The following MRPL48 variants were observed in gnomAD, a reference collection of about 807,000 sequenced individuals.
The protein encoded by MRPL48 is mitochondrial ribosomal protein L48.
In MRPL48, 16 loss-of-function variants were observed where a neutral mutation model predicts 32.9. The ratio of observed to expected loss-of-function variants is 0.49; its 90% CI spans 0.33 to 0.74. The LOEUF is 0.74. Ranked by LOEUF, MRPL48 falls within the 30% of genes least tolerant of loss-of-function variation. The pLI, the probability that MRPL48 is intolerant of heterozygous loss-of-function variation, is 0.02. For synonymous variants in MRPL48, 94 were observed against 89.2 expected (o/e 1.05, Z -0.31); for missense variants, 206 against 245.3 (o/e 0.84, Z 1.07).
intron 5 of MRPL48, among the ~76,000 whole-genome samples, chr11:73,853,776 C>A (rs187536299): frequency 0.016 from 2,296 of 147,924 alleles, 54 homozygotes; most frequent in African/African-American, 0.055. Context: ...CTGCAAGCTC[C>A]GCCTCCCGGG....
chr11:73,800,410 C>CCA (rs1947338413), intron 1 of MRPL48, among the ~76,000 whole-genome samples: 1 of 152,012 alleles, frequency 6.6e-6, no homozygotes, highest in Non-Finnish European at 1.5e-5. Context: ...GACCCCTGAC[C>CCA]CACTGCTCTC....
At chr11:73,810,184 A>T (rs934044129) in intron 3 of MRPL48, among the ~76,000 whole-genome samples, 2 of 152,208 alleles carry the variant, frequency 1.3e-5, no homozygotes, top group African/African-American at 4.8e-5. Flanking sequence ...ATCAGACATC[A>T]TGATACTTTA....
At chr11:73,820,317 C>T (rs747602578) in intron 3 of MRPL48, among the ~76,000 whole-genome samples, 19 of 152,110 alleles carry the variant, frequency 1.2e-4, no homozygotes, top group Admixed American at 2.6e-4. Context: ...CTCCGCCTCC[C>T]GGGTTCAAGT....
chr11:73,850,375 C>T (rs1948366850), intron 5 of MRPL48: 1 of 180,018 alleles, frequency 5.6e-6, no homozygotes, highest in Admixed American at 6.2e-5. Context: ...GCTCACAGAT[C>T]ATCCTAGGAA....
At chr11:73,842,779 C>T (rs549874133) in intron 4 of MRPL48, 1 of 152,180 alleles carries the variant, frequency 6.6e-6, no homozygotes, top group South Asian at 2.1e-4. Context: ...CCCCTTATTT[C>T]TTTTTACAGC....
chr11:73,792,354 A>G (rs899970162), intron 1 of MRPL48, among the ~76,000 whole-genome samples: 9 of 152,090 alleles, frequency 5.9e-5, no homozygotes, highest in African/African-American at 1.9e-4. Context: ...GATAACCACT[A>G]TTTTCTCAGG....
At chr11:73,810,708 G>GC (rs980077217) in intron 3 of MRPL48, among the ~76,000 whole-genome samples, 4 of 151,008 alleles carry the variant, frequency 2.6e-5, no homozygotes, top group Admixed American at 6.6e-5. Flanking sequence ...CTCTCCACTA[G>GC]CCCCCCACCC....
intron 6 of MRPL48, among the ~76,000 whole-genome samples, chr11:73,861,850 G>A (rs1035720368): frequency 2.0e-5 from 3 of 152,158 alleles, no homozygotes; most frequent in African/African-American, 7.2e-5. Context: ...CCTTGGTTGA[G>A]TTGGGTAGGA....
intron 4 of MRPL48, among the ~76,000 whole-genome samples, chr11:73,835,601 TAA>T (rs10589092): frequency 0.055 from 8,370 of 152,246 alleles, 251 homozygotes; most frequent in Middle Eastern, 0.11. Context: ...CAACCTCTTT[TAA>T]AAATGCCATT....
At chr11:73,857,969 C>T (rs1034218372) in intron 5 of MRPL48, among the ~76,000 whole-genome samples, 1 of 152,124 alleles carries the variant, frequency 6.6e-6, no homozygotes, top group African/African-American at 2.4e-5. Flanking sequence ...GTAAACAAAT[C>T]AATGAAATCT....
At chr11:73,851,106 A>C in intron 5 of MRPL48, 1 of 487,214 alleles carries the variant, frequency 2.1e-6, no homozygotes, top group Non-Finnish European at 4.2e-6. Flanking sequence ...TTAGTGTTTA[A>C]TTTATATACT....
intron 1 of MRPL48, among the ~76,000 whole-genome samples, chr11:73,788,937 A>G (rs972543909): frequency 2.0e-5 from 3 of 152,174 alleles, no homozygotes; most frequent in Non-Finnish European, 4.4e-5. Flanking sequence ...TTAATGACTC[A>G]TTTTAGCAAT....
At chr11:73,859,798 A>G in intron 5 of MRPL48, 109 bp from the exon 6 acceptor site, 2 of 849,868 alleles carry the variant, frequency 2.4e-6, no homozygotes, top group Middle Eastern at 2.4e-4. Flanking sequence ...CATCCCCTAC[A>G]TTCCGGGAAC....
chr11:73,809,052 G>A (rs965962942), intron 3 of MRPL48, among the ~76,000 whole-genome samples: 2 of 152,084 alleles, frequency 1.3e-5, no homozygotes, highest in African/African-American at 4.8e-5. Flanking sequence ...GGCCAAGGCA[G>A]GAGGATCTCT....
At chr11:73,809,313 G>A (rs1438508691) in intron 3 of MRPL48, among the ~76,000 whole-genome samples, 3 of 151,816 alleles carry the variant, frequency 2.0e-5, no homozygotes, top group Admixed American at 2.0e-4. Flanking sequence ...GACAATCCTG[G>A]CTAACCCAGT....
chr11:73,862,791 G>A (rs890741232), intron 6 of MRPL48, among the ~76,000 whole-genome samples: 1 of 151,926 alleles, frequency 6.6e-6, no homozygotes, highest in Admixed American at 6.6e-5. Context: ...CTGGTGGCAC[G>A]TGCCTGTAGT....
intron 4 of MRPL48, among the ~76,000 whole-genome samples, chr11:73,826,834 T>C (rs1022218178): frequency 3.4e-5 from 5 of 146,010 alleles, no homozygotes; most frequent in Admixed American, 1.4e-4. Flanking sequence ...TGGAGGGCAA[T>C]GGTGCGATCT....
chr11:73,811,453 A>T (rs74613784), intron 3 of MRPL48, among the ~76,000 whole-genome samples: 1 of 145,514 alleles, frequency 6.9e-6, no homozygotes, highest in African/African-American at 2.7e-5. Flanking sequence ...AGGTTTTTTT[A>T]AAAATTGTTT....
intron 5 of MRPL48, among the ~76,000 whole-genome samples, chr11:73,848,597 C>T (rs1590996912): frequency 6.6e-6 from 1 of 151,528 alleles, no homozygotes; most frequent in African/African-American, 2.4e-5. Context: ...ATTTCTCTCT[C>T]CATTTACAGT....
Sources: allele counts gnomAD v4.1 joint callset (sites outside exome capture counted in the v4.1 genomes callset), GRCh38; gene constraint gnomAD v4.1.1; transcripts MANE v1.5; gene names NCBI Gene and HGNC (gene_info 2026-07-23, HGNC 2026-07-21).